Variants in LRP1B observed in about 807,000 individuals in gnomAD.
LRP1B encodes the protein low-density lipoprotein receptor-related protein 1B.
LRP1B carries 217 observed loss-of-function variants against 556.6 expected under a neutral mutation model. The ratio of observed to expected loss-of-function variants is 0.39; its 90% CI spans 0.35 to 0.44. The LOEUF is 0.44. Among genes scored for constraint, LRP1B ranks in the 20% least tolerant of loss-of-function variants. The pLI is 1.00. For missense variants in LRP1B, 5,053 were observed against 5,620.8 expected (o/e 0.90, Z 3.23); for synonymous variants, 2,047 against 1,865.8 (o/e 1.10, Z -2.50).
rs189322842 is a variant in LRP1B at position 141,428,415 on chromosome 2, T to G, written c.343+51981A>C. 3.2e-3 allele frequency among the ~76,000 whole-genome samples: 489 copies of G among 151,432 alleles called. 2 individuals carry two copies. Among genetic ancestry groups the G allele is most frequent in the African/African-American group, 0.011 (467 of 41,348 alleles). On this transcript the variant is annotated intron_variant, in intron 3 of 90. Coordinates refer to ENST00000389484, the MANE Select transcript of LRP1B (RefSeq NM_018557.3). The stretch of plus-strand genomic sequence containing the variant: ...ATGTACCCTAGAACTTTAAGTATAT[T>G]TAAAAAAAAATCTAATGCTAAGCTA...
chr2:141,889,661 T>C (rs2104910440), intron 1 of LRP1B, among the ~76,000 whole-genome samples: 1 of 152,294 alleles, frequency 6.6e-6, no homozygotes, highest in East Asian at 1.9e-4. Context: ...TGTCACACTT[T>C]GCATAATCAT....
chr2:141,781,766 T>C (rs1375942521), intron 2 of LRP1B, among the ~76,000 whole-genome samples: 2 of 152,174 alleles, frequency 1.3e-5, no homozygotes, highest in Non-Finnish European at 2.9e-5. Flanking sequence ...TATGCACATT[T>C]TCCAAGATAA....
At chr2:140,624,601 C>A (rs1036154785) in intron 41 of LRP1B, among the ~76,000 whole-genome samples, 1 of 152,110 alleles carries the variant, frequency 6.6e-6, no homozygotes, top group Non-Finnish European at 1.5e-5. Flanking sequence ...GGGAATATAG[C>A]ATTTAACAGG....
At chr2:140,916,507 A>C (rs565780705) in intron 21 of LRP1B, among the ~76,000 whole-genome samples, 1 of 152,330 alleles carries the variant, frequency 6.6e-6, no homozygotes, top group African/African-American at 2.4e-5. Flanking sequence ...CATGTGTGCC[A>C]GTCAGTTCTC....
At chr2:141,076,859 T>C (rs1699800420) in intron 7 of LRP1B, among the ~76,000 whole-genome samples, 2 of 152,196 alleles carry the variant, frequency 1.3e-5, no homozygotes, top group African/African-American at 2.4e-5. Flanking sequence ...CAGGGATGAC[T>C]GAGATGAGTA....
chr2:141,367,427 T>C (rs186924143), intron 3 of LRP1B, among the ~76,000 whole-genome samples: 1 of 150,962 alleles, frequency 6.6e-6, no homozygotes, highest in Admixed American at 6.6e-5. Flanking sequence ...CAAAGCGTTC[T>C]AATTTTTGAA....
At chr2:140,252,583 G>A (rs6715995) in intron 86 of LRP1B, among the ~76,000 whole-genome samples, 2 of 151,740 alleles carry the variant, frequency 1.3e-5, no homozygotes, top group Non-Finnish European at 2.9e-5. Flanking sequence ...TACAGAAGTA[G>A]GAAGAAATGC....
intron 3 of LRP1B, among the ~76,000 whole-genome samples, chr2:141,479,861 T>C (rs1363827187): frequency 6.6e-6 from 1 of 152,232 alleles, no homozygotes; most frequent in Non-Finnish European, 1.5e-5. Context: ...GGTAATATTG[T>C]ACCATTGTAG....
chr2:141,636,764 A>G (rs1689120847), intron 2 of LRP1B, among the ~76,000 whole-genome samples: 1 of 152,104 alleles, frequency 6.6e-6, no homozygotes, highest in African/African-American at 2.4e-5. Context: ...GGAAAAAAAA[A>G]ACATAAGGTA....
At chr2:140,658,061 A>T (rs1684955099) in intron 41 of LRP1B, among the ~76,000 whole-genome samples, 3 of 152,144 alleles carry the variant, frequency 2.0e-5, no homozygotes, top group Admixed American at 2.0e-4. Flanking sequence ...ATAAGTTAAT[A>T]TCTACTTATA....
intron 2 of LRP1B, among the ~76,000 whole-genome samples, chr2:141,624,044 A>AAAAAAAAAAG (rs1219833459): frequency 1.9e-4 from 28 of 149,128 alleles, no homozygotes; most frequent in Non-Finnish European, 4.0e-4. Flanking sequence ...AACAAAAAAA[A>AAAAAAAAAAG]AAAGAAAAGA....
In LRP1B at chr2:141,529,539, T is replaced by C. The variant is rs572046588; in HGVS notation, c.206-49006A>G. On this transcript the variant is annotated intron_variant, in intron 2 of 90. Transcript: ENST00000389484. ...GATTCACCTTGAACAACCTTAGAAATGAGATAATTCTTATTCTATCCTTCA... is the reference window on the plus strand; with the variant it reads ...GATTCACCTTGAACAACCTTAGAAACGAGATAATTCTTATTCTATCCTTCA... Among the ~76,000 whole-genome samples, 11 of 152,298 alleles carry C rather than the reference T, an allele frequency of 7.2e-5. No individual in the cohort carries two copies. In the South Asian group the frequency reaches 2.3e-3, roughly 32 times the overall value.
At chr2:140,409,115 G>C (rs1684866417) in intron 66 of LRP1B, among the ~76,000 whole-genome samples, 1 of 151,900 alleles carries the variant, frequency 6.6e-6, no homozygotes, top group South Asian at 2.1e-4. Context: ...GATTGCTAAA[G>C]GATTACAACA....
intron 33 of LRP1B, among the ~76,000 whole-genome samples, chr2:140,772,607 C>T (rs368105049): frequency 6.6e-6 from 1 of 152,044 alleles, no homozygotes; most frequent in South Asian, 2.1e-4. Context: ...CTGCCCCCAG[C>T]CTAGATTTAT....
At chr2:140,603,600 C>G (rs917677034) in intron 41 of LRP1B, among the ~76,000 whole-genome samples, 1 of 152,080 alleles carries the variant, frequency 6.6e-6, no homozygotes, top group South Asian at 2.1e-4. Context: ...CTTGCCAATT[C>G]AGGAAGAAAA....
At chr2:140,613,159 G>A (rs62172849) in intron 41 of LRP1B, among the ~76,000 whole-genome samples, 33,606 of 148,554 alleles carry the variant, frequency 0.23, 4,107 homozygotes, top group Admixed American at 0.3. Context: ...AGTTATCTTA[G>A]GCAGGCACAT....
chr2:140,639,990 C>T (rs759411268), intron 41 of LRP1B, among the ~76,000 whole-genome samples: 1 of 152,034 alleles, frequency 6.6e-6, no homozygotes, highest in Non-Finnish European at 1.5e-5. Flanking sequence ...TCAAATGCTA[C>T]ATTGTTTTTT....
rs566666802 is a variant in LRP1B at position 140,720,600 on chromosome 2, T to C, written c.5759-3784A>G. ...GGGAGAAAAGTTTTCCCTGGGTATT[T>C]AGAGACTAAATCATGCAGGGTTCTG... On this transcript the variant is annotated intron_variant, in intron 35 of 90. Coordinates refer to ENST00000389484, the MANE Select transcript of LRP1B (RefSeq NM_018557.3). Among the ~76,000 whole-genome samples, 176 of 152,072 alleles carry C rather than the reference T, an allele frequency of 1.2e-3. 1 individual carries two copies. The highest frequency in any genetic ancestry group is 1.5e-3 in the Non-Finnish European group (100 of 67,944).
At chr2:141,494,823 G>GAAACACACACACAC (rs1298237673) in intron 2 of LRP1B, among the ~76,000 whole-genome samples, 2 of 116,900 alleles carry the variant, frequency 1.7e-5, no homozygotes, top group Non-Finnish European at 3.8e-5. Flanking sequence ...GATTCAGATT[G>GAAACACACACACAC]AAACACACAC....
Sources: allele counts gnomAD v4.1 joint callset (sites outside exome capture counted in the v4.1 genomes callset), GRCh38; gene constraint gnomAD v4.1.1; transcripts MANE v1.5; gene names NCBI Gene and HGNC (gene_info 2026-07-23, HGNC 2026-07-21).